Variants in SMOX observed in about 807,000 individuals in gnomAD.
SMOX encodes flavin containing amine oxidase.
In SMOX, 22 loss-of-function variants were observed where a neutral mutation model predicts 51.0. The observed-to-expected ratio is 0.43, with a 90% CI of 0.31 to 0.62. SMOX has a LOEUF of 0.62. Ranked by LOEUF, SMOX falls within the 20% of genes least tolerant of loss-of-function variation. The probability of loss-of-function intolerance (pLI) is 0.10; values close to 1 mark genes in which losing one functional copy is unlikely to be tolerated. For synonymous variants in SMOX, 282 were observed against 307.8 expected, an observed-to-expected ratio of 0.92 and a Z score of 0.88; for missense variants, 566 against 777.7, an observed-to-expected ratio of 0.73 and a Z score of 3.24.
chr20:4,168,423 CTCT>C (rs780852442), intron 1 of SMOX, among the ~76,000 whole-genome samples: 21 of 152,166 alleles, frequency 1.4e-4, no homozygotes, highest in Non-Finnish European at 2.2e-4. Context: ...GGGAGCCTCA[CTCT>C]TCTTCTCTGG....
chr20:4,160,019 C>CT (rs1429961165), intron 1 of SMOX, among the ~76,000 whole-genome samples: 13 of 152,204 alleles, frequency 8.5e-5, no homozygotes, highest in Non-Finnish European at 1.8e-4. Flanking sequence ...GAGTTACTTG[C>CT]TTTTTGAATT....
At chr20:4,168,204 G>A (rs1259010338) in intron 1 of SMOX, among the ~76,000 whole-genome samples, 1 of 152,140 alleles carries the variant, frequency 6.6e-6, no homozygotes, top group Non-Finnish European at 1.5e-5. Context: ...GGGAAGAGAG[G>A]TTTAAAGTCC....
intron 1 of SMOX, among the ~76,000 whole-genome samples, chr20:4,158,465 C>T (rs1986144571): frequency 6.6e-6 from 1 of 152,172 alleles, no homozygotes; most frequent in South Asian, 2.1e-4. Context: ...TAGCTGGGGG[C>T]ATTGCAGCAC....
At position 4,172,562 on chromosome 20, in the gene SMOX, G is replaced by C. The variant is rs1978486101; in HGVS notation, c.-26-2468G>C. Among the ~76,000 whole-genome samples the C allele has an allele frequency of 2.0e-5, 3 of 152,044 alleles. No individual in the cohort carries two copies. In the South Asian group the frequency reaches 6.2e-4, roughly 32 times the overall value. ...GGGACGGGAGTCAGAGGACAGAGGC[G>C]GGGAGGAGGAAAGGGCCGGAGCCGC... On this transcript the variant is annotated intron_variant, in intron 1 of 6. Coordinates refer to ENST00000305958, the MANE Select transcript of SMOX (RefSeq NM_175839.3). The surrounding 1 kb of genome is among the most constrained non-coding windows in gnomAD (Gnocchi z 7.7).
At position 4,187,426 on chromosome 20, in the gene SMOX, A is replaced by G; in HGVS notation, c.*19A>G. Reference sequence around the variant, plus strand: ...GACCTGAGGGCTGTCCTCGCTGCTGAGAAGAGCCACTAACTCGTGACCTCC... The same window carrying G: ...GACCTGAGGGCTGTCCTCGCTGCTGGGAAGAGCCACTAACTCGTGACCTCC... On this transcript the variant is annotated 3_prime_UTR_variant, in exon 7 of 7. Coordinates refer to ENST00000305958, the MANE Select transcript of SMOX (RefSeq NM_175839.3). The surrounding 1 kb of genome is among the most constrained non-coding windows in gnomAD (Gnocchi z 4.8). The G allele has an allele frequency of 6.2e-7, 1 of 1,609,148 alleles. No homozygotes were observed. The highest frequency in any genetic ancestry group is 8.5e-7 in the Non-Finnish European group (1 of 1,176,584).
At chr20:4,171,638 T>C (rs1370976435) in intron 1 of SMOX, 1 of 152,226 alleles carries the variant, frequency 6.6e-6, no homozygotes, top group Non-Finnish European at 1.5e-5. Context: ...CCTGCTTACT[T>C]GCGTGTCATT....
At chr20:4,180,080 G>A (rs947273184) in intron 3 of SMOX, among the ~76,000 whole-genome samples, 2 of 152,164 alleles carry the variant, frequency 1.3e-5, no homozygotes, top group Admixed American at 6.5e-5. Context: ...ATCGCCCAAG[G>A]GAAAAACCCA....
rs550525279 is a variant in SMOX at position 4,182,077 on chromosome 20, G to A, written c.610-12G>A. ...CGGCGGTCACCTGGCTTCTCCTTGG[G>A]TCTTCCCGCAGGTGGAGAGCTGTGA... On this transcript the variant is annotated splice_polypyrimidine_tract_variant and intron_variant, in intron 4 of 6. Transcript: ENST00000305958. This position sits in a 1 kb window ranked among gnomAD's most constrained non-coding sequence, Gnocchi z 8.4. 8.8e-6 allele frequency: 14 copies of A among 1,586,460 alleles called. No individual in the cohort carries two copies. In the South Asian group the frequency reaches 1.3e-4, roughly 14 times the overall value.
rs751828784 is a variant in SMOX at position 4,182,537 on chromosome 20, A to G, written c.1058A>G (p.Lys353Arg). 6.2e-7 allele frequency: 1 copy of G among 1,613,410 alleles called. No individual in the cohort carries two copies. Among genetic ancestry groups the G allele is most frequent in the Non-Finnish European group, 8.5e-7 (1 of 1,179,700 alleles). Residue 353 changes from lysine (K) to arginine (R), a missense_variant, in exon 5 of 7, where the codon AAG becomes AGG. By Grantham distance (26) the Lys-to-Arg change is conservative. This residue lies in a region of SMOX where 347 missense variants were observed against 481.8 expected (regional missense o/e 0.72). Coordinates refer to ENST00000305958, the MANE Select transcript of SMOX (RefSeq NM_175839.3). The surrounding 1 kb of genome is among the most constrained non-coding windows in gnomAD (Gnocchi z 8.4). The stretch of plus-strand genomic sequence containing the variant: ...TTCCGGCCAGGCCTGCCCACAGAGA[A>G]GGTGGCTGCCATCCACCGCCTGGGC... ...SFFRPGLPTE[K>R]VAAIHRLGIG...
chr20:4,185,851 C>A (rs1402206278), intron 6 of SMOX, among the ~76,000 whole-genome samples: 2 of 99,408 alleles, frequency 2.0e-5, no homozygotes, highest in Non-Finnish European at 4.0e-5. Flanking sequence ...TGAGATCATG[C>A]CATTGCACTC....
At chr20:4,179,438 C>T (rs1362337163) in intron 3 of SMOX, among the ~76,000 whole-genome samples, 22 of 151,964 alleles carry the variant, frequency 1.4e-4, no homozygotes, top group Admixed American at 1.4e-3. Flanking sequence ...AAGGCGTAAC[C>T]CTGATGTCAA....
At position 4,153,606 on chromosome 20, in the gene SMOX, C is replaced by T. The variant is rs1985866956; in HGVS notation, c.-27+4629C>T. ...GTCTGTTTTCTCTGAATTCTGAGCC[C>T]CAGAGTTGAGGGGATCTGCTCATCT... On this transcript the variant is annotated intron_variant, in intron 1 of 6. Transcript: ENST00000305958. This position sits in a 1 kb window ranked among gnomAD's most constrained non-coding sequence, Gnocchi z 4.4. Among the ~76,000 whole-genome samples, 1 of 152,108 alleles carries T rather than the reference C, an allele frequency of 6.6e-6. No homozygotes were observed. The highest frequency in any genetic ancestry group is 2.4e-5 in the African/African-American group (1 of 41,394).
Position 4,187,406 on chromosome 20 carries a change from G to A in SMOX, c.1667G>A (p.Ter556=). Residue 556 remains the stop codon, a stop_retained_variant, in exon 7 of 7, where the codon TGA becomes TAA. Transcript: ENST00000305958. This position sits in a 1 kb window ranked among gnomAD's most constrained non-coding sequence, Gnocchi z 4.8. The stretch of plus-strand genomic sequence containing the variant: ...CGAGACCTCTTCCAGCAGGGGACCT[G>A]AGGGCTGTCCTCGCTGCTGAGAAGA... ...MYRDLFQQGT[*] 1 of 1,613,670 alleles carries A rather than the reference G, an allele frequency of 6.2e-7. No homozygotes were observed. The highest frequency in any genetic ancestry group is 8.5e-7 in the Non-Finnish European group (1 of 1,179,746).
At position 4,160,194 on chromosome 20, in the gene SMOX, G is replaced by A. The variant is rs184835776; in HGVS notation, c.-27+11217G>A. ...GTGACCTGCAGGGACCCCACTAAGCGCCCAGGCCAGAAAGCAGGTAGCTTC... is the reference window on the plus strand; with the variant it reads ...GTGACCTGCAGGGACCCCACTAAGCACCCAGGCCAGAAAGCAGGTAGCTTC... On this transcript the variant is annotated intron_variant, in intron 1 of 6. Coordinates refer to ENST00000305958, the MANE Select transcript of SMOX (RefSeq NM_175839.3). 6.6e-5 allele frequency among the ~76,000 whole-genome samples: 10 copies of A among 152,284 alleles called. No homozygotes were observed. The East Asian group carries it at 1.5e-3, about 24-fold the overall frequency.
At chr20:4,165,646 G>C (rs1986540200) in intron 1 of SMOX, among the ~76,000 whole-genome samples, 1 of 152,174 alleles carries the variant, frequency 6.6e-6, no homozygotes. Context: ...CTTTGCTGGG[G>C]ATACAGGAGG....
At chr20:4,179,115 A>T (rs1310272497) in intron 3 of SMOX, among the ~76,000 whole-genome samples, 1 of 152,216 alleles carries the variant, frequency 6.6e-6, no homozygotes, top group East Asian at 1.9e-4. Context: ...TGTGTTGTGC[A>T]TTCTCACTCA....
chr20:4,174,400 G>T (rs183174402), intron 1 of SMOX, among the ~76,000 whole-genome samples: 74 of 152,202 alleles, frequency 4.9e-4, no homozygotes, highest in Non-Finnish European at 8.8e-4. Flanking sequence ...AGTATCCGGG[G>T]TCCATGCAAG....
chr20:4,158,507 G>C (rs1041292730), intron 1 of SMOX, among the ~76,000 whole-genome samples: 1 of 152,168 alleles, frequency 6.6e-6, no homozygotes, highest in Non-Finnish European at 1.5e-5. Context: ...TTCTCCACCT[G>C]CTTCTTGAGG....
At chr20:4,155,262 G>C (rs1452865639) in intron 1 of SMOX, among the ~76,000 whole-genome samples, 1 of 152,146 alleles carries the variant, frequency 6.6e-6, no homozygotes, top group Admixed American at 6.5e-5. Flanking sequence ...CCAGCTGCCG[G>C]GCCATCACCC....
Sources: gnomAD v4.1 joint callset for allele counts (sites outside exome capture counted in the v4.1 genomes callset) on GRCh38, gnomAD v4.1.1 for gene constraint, gnomAD v4.1.1 regional missense constraint, Gnocchi (gnomAD v3.1) non-coding constraint, MANE v1.5 for transcripts, NCBI Gene and HGNC (gene_info 2026-07-23, HGNC 2026-07-21) for gene names.